KMT2A: variants seen among roughly 807,000 people sequenced by gnomAD.
KMT2A encodes lysine methyltransferase 2A.
In KMT2A, 16 loss-of-function variants were observed where a neutral mutation model predicts 345.3. The ratio of observed to expected loss-of-function variants is 0.05; its 90% CI spans 0.03 to 0.07. The LOEUF (loss-of-function observed/expected upper bound fraction) is 0.07. Among genes scored for constraint, KMT2A ranks in the 10% least tolerant of loss-of-function variants. The probability of loss-of-function intolerance (pLI) is 1.00; values close to 1 mark genes in which losing one functional copy is unlikely to be tolerated. For synonymous variants in KMT2A, 1,599 were observed against 1,778.6 expected (o/e 0.90, Z 2.54); for missense variants, 3,272 against 4,841.6 (o/e 0.68, Z 9.62).
Position 118,494,568 on chromosome 11 carries a change from G to A in KMT2A, c.5290-126G>A. 3 of 928,834 alleles carry A rather than the reference G, an allele frequency of 3.2e-6. No individual in the cohort carries two copies. The highest frequency in any genetic ancestry group is 2.4e-5 in the Admixed American group (1 of 42,408). The allele number at this position is 928,834 out of a possible 1,614,324, so 57.5% of individuals were successfully genotyped here. A position where few individuals can be genotyped will look rare whatever the true frequency, so the allele number is the denominator to read the frequency against. Reference sequence around the variant, plus strand: ...AGGAACTTGGTGAGGTTGCCAGAGTGGATGGATCTTTCTCTTGGTGGCCTG... The same window carrying A: ...AGGAACTTGGTGAGGTTGCCAGAGTAGATGGATCTTTCTCTTGGTGGCCTG... On this transcript the variant is annotated intron_variant, in intron 17 of 35. Coordinates refer to ENST00000534358, the MANE Select transcript of KMT2A (RefSeq NM_001197104.2). The surrounding 1 kb of genome is among the most constrained non-coding windows in gnomAD (Gnocchi z 5.8).
chr11:118,470,920 T>A (rs931146679), intron 2 of KMT2A, among the ~76,000 whole-genome samples: 1 of 152,196 alleles, frequency 6.6e-6, no homozygotes, highest in Non-Finnish European at 1.5e-5. Context: ...GAACTTTGAT[T>A]TAATAAGTTG....
At chr11:118,438,422 G>A (rs1949243898) in intron 1 of KMT2A, among the ~76,000 whole-genome samples, 3 of 148,014 alleles carry the variant, frequency 2.0e-5, no homozygotes, top group Admixed American at 2.0e-4. Flanking sequence ...TGCAGAAGGG[G>A]GGAGTTCGAA....
rs562573543 is a variant in KMT2A at position 118,520,713 on chromosome 11, T to G, written c.11430-89T>G. On this transcript the variant is annotated intron_variant, in intron 33 of 35. Transcript: ENST00000534358. This position sits in a 1 kb window ranked among gnomAD's most constrained non-coding sequence, Gnocchi z 4.3. ...GTTCAGTTTGGCATTAAACAAAGAG[T>G]GTACTAATTGTCTCTAGGAACCTTC... 55 of 905,020 alleles carry G rather than the reference T, an allele frequency of 6.1e-5. No homozygotes were observed. In the African/African-American group the frequency reaches 8.3e-4, roughly 14 times the overall value. The allele number at this position is 905,020 out of a possible 1,614,324, so 56.1% of individuals were successfully genotyped here. A position where few individuals can be genotyped will look rare whatever the true frequency, so the allele number is the denominator to read the frequency against.
chr11:118,475,490 G>A (rs1029757735), intron 3 of KMT2A, among the ~76,000 whole-genome samples: 12 of 152,296 alleles, frequency 7.9e-5, no homozygotes, highest in Non-Finnish European at 1.2e-4. Flanking sequence ...TTGGGAGGCC[G>A]AGGCAGGTGG....
At chr11:118,501,644 A>G in intron 25 of KMT2A, 28 bp from the exon 26 acceptor site, 1 of 1,579,920 alleles carries the variant, frequency 6.3e-7, no homozygotes, top group South Asian at 1.2e-5. Context: ...GGGCCTTTTT[A>G]GTTAAGAGTT....
Position 118,513,075 on chromosome 11 carries a change from CA to C in KMT2A, c.11146+1056del, listed in dbSNP as rs1555050568. On this transcript the variant is annotated intron_variant, in intron 31 of 35. Coordinates refer to ENST00000534358, the MANE Select transcript of KMT2A (RefSeq NM_001197104.2). Reference sequence around the variant, plus strand: ...GCTTCATACAGAGAATACATCTTTACAAAAAATAAAAATATATATTAGCCGG... The same window carrying C: ...GCTTCATACAGAGAATACATCTTTACAAAAATAAAAATATATATTAGCCGG... 2.0e-5 allele frequency among the ~76,000 whole-genome samples: 3 copies of C among 152,054 alleles called. No homozygotes were observed. In the East Asian group the frequency reaches 5.8e-4, roughly 29 times the overall value.
In KMT2A at chr11:118,473,685, C is replaced by T. The variant is rs782814987; in HGVS notation, c.2526C>T (p.Gly842=). The T allele has an allele frequency of 9.3e-6, 15 of 1,614,162 alleles. No individual in the cohort carries two copies. Among genetic ancestry groups the T allele is most frequent in the Non-Finnish European group, 1.3e-5 (15 of 1,180,034 alleles). Residue 842 remains glycine (G), a synonymous_variant, in exon 3 of 36, where the codon GGC becomes GGT. Coordinates refer to ENST00000534358, the MANE Select transcript of KMT2A (RefSeq NM_001197104.2). This position sits in a 1 kb window ranked among gnomAD's most constrained non-coding sequence, Gnocchi z 5.2. ...PTPLFPWFTP[G]SQTERGRNKD... Reference sequence around the variant, plus strand: ...CTCTCTTCCCTTGGTTTACCCCAGGCTCTCAGACTGAAAGAGGGAGAAATA... The same window carrying T: ...CTCTCTTCCCTTGGTTTACCCCAGGTTCTCAGACTGAAAGAGGGAGAAATA...
chr11:118,440,750 C>T (rs1337566627), intron 1 of KMT2A, among the ~76,000 whole-genome samples: 1 of 149,992 alleles, frequency 6.7e-6, no homozygotes, highest in Non-Finnish European at 1.5e-5. Flanking sequence ...AAAGATAGTA[C>T]TCCTGCAGCT....
Position 118,472,830 on chromosome 11 carries a change from C to G in KMT2A, c.1671C>G (p.Thr557=). ...TACAAAGTGCCCCCCAGCAGCAGAC[C>G]TCCTCGTCTCCACCTCCACCTCTGC... ...STLQSAPQQQ[T]SSSPPPPLLT... Residue 557 remains threonine (T), a synonymous_variant, in exon 3 of 36, where the codon ACC becomes ACG. Transcript: ENST00000534358. 1.2e-6 allele frequency: 2 copies of G among 1,613,792 alleles called. No individual in the cohort carries two copies. The highest frequency in any genetic ancestry group is 1.1e-5 in the South Asian group (1 of 91,048).
In KMT2A at chr11:118,493,141, C is replaced by A; in HGVS notation, c.5089C>A (p.Leu1697Ile). 3 of 1,614,088 alleles carry A rather than the reference C, an allele frequency of 1.9e-6. No individual in the cohort carries two copies. Among genetic ancestry groups the A allele is most frequent in the Non-Finnish European group, 1.7e-6 (2 of 1,179,970 alleles). ...SSPEGPDPPV[L>I]TEVSKQDDQQ... ...CCCCGAAGGACCTGATCCACCAGTTCTTACTGAGGTCAGCAAACAGGATGA... is the reference window on the plus strand; with the variant it reads ...CCCCGAAGGACCTGATCCACCAGTTATTACTGAGGTCAGCAAACAGGATGA... Residue 1697 changes from leucine (L) to isoleucine (I), a missense_variant, in exon 16 of 36, where the codon CTT becomes ATT. This residue lies in a region of KMT2A where 235 missense variants were observed against 503.4 expected (regional missense o/e 0.47). Coordinates refer to ENST00000534358, the MANE Select transcript of KMT2A (RefSeq NM_001197104.2). The surrounding 1 kb of genome is among the most constrained non-coding windows in gnomAD (Gnocchi z 5.8).
chr11:118,451,475 C>T (rs1302895216), intron 1 of KMT2A, among the ~76,000 whole-genome samples: 1 of 151,930 alleles, frequency 6.6e-6, no homozygotes, highest in African/African-American at 2.4e-5. Context: ...GCAACCTCCA[C>T]CTCCTGGGCT....
Position 118,484,867 on chromosome 11 carries a change from T to C in KMT2A, c.4224T>C (p.Asp1408=), listed in dbSNP as rs781903097. The C allele has an allele frequency of 1.9e-5, 30 of 1,610,118 alleles. No homozygotes were observed. In the South Asian group the frequency reaches 3.2e-4, roughly 17 times the overall value. ...VHRIRVDFKE[D]CEAENVWEMG... ...TGACCTTTCTCTCTCCACAGGAGGA[T>C]TGTGAAGCAGAAAATGTGTGGGAGA... Residue 1408 remains aspartate (D), a synonymous_variant, in exon 10 of 36, where the codon GAT becomes GAC. Coordinates refer to ENST00000534358, the MANE Select transcript of KMT2A (RefSeq NM_001197104.2). This position sits in a 1 kb window ranked among gnomAD's most constrained non-coding sequence, Gnocchi z 4.1.
chr11:118,489,772 G>T lies in KMT2A; in HGVS notation c.4480-20G>T. The T allele has an allele frequency of 6.2e-7, 1 of 1,605,258 alleles. No individual in the cohort carries two copies. Among genetic ancestry groups the T allele is most frequent in the African/African-American group, 1.3e-5 (1 of 74,800 alleles). On this transcript the variant is annotated intron_variant, in intron 11 of 35. Coordinates refer to ENST00000534358, the MANE Select transcript of KMT2A (RefSeq NM_001197104.2). ...AAGGTAATATGATGCTTATCTTTTT[G>T]CCATTATATTTTCTTACAGCAGCTG...
At chr11:118,480,138 T>G (rs1328361381) in intron 5 of KMT2A, 36 bp from the exon 6 acceptor site, 1 of 1,529,520 alleles carries the variant, frequency 6.5e-7, no homozygotes, top group East Asian at 2.3e-5. Context: ...TCTTCTAAAT[T>G]TAATTTGTTT....
At position 118,491,894 on chromosome 11, in the gene KMT2A, C is replaced by T; in HGVS notation, c.4970C>T (p.Ser1657Phe). 5 of 1,613,778 alleles carry T rather than the reference C, an allele frequency of 3.1e-6. No individual in the cohort carries two copies. Among genetic ancestry groups the T allele is most frequent in the Non-Finnish European group, 4.2e-6 (5 of 1,180,002 alleles). Residue 1657 changes from serine (S) to phenylalanine (F), a missense_variant, in exon 15 of 36, where the codon TCT (serine) becomes TTT (phenylalanine). Transcript: ENST00000534358. This position sits in a 1 kb window ranked among gnomAD's most constrained non-coding sequence, Gnocchi z 4.2. ...LKQVLTALLNSRTTSHLLRYR... is the reference protein window; with the variant it reads ...LKQVLTALLNFRTTSHLLRYR... ...CAAGTTCTGACAGCTTTGTTGAATTCTCGGACTACCAGCCATTTGCTACGC... is the reference window on the plus strand; with the variant it reads ...CAAGTTCTGACAGCTTTGTTGAATTTTCGGACTACCAGCCATTTGCTACGC...
At position 118,504,199 on chromosome 11, in the gene KMT2A, T is replaced by C. The variant is rs148437955; in HGVS notation, c.8307T>C (p.His2769=). 4.8e-5 allele frequency: 78 copies of C among 1,614,110 alleles called. No individual in the cohort carries two copies. The African/African-American group carries it at 8.1e-4, about 17-fold the overall frequency. ...DRPEDAGEKE[H]VTKSSVGHKN... ...CTGAAGATGCTGGGGAGAAAGAACATGTCACTAAGAGTTCTGTTGGCCACA... is the reference window on the plus strand; with the variant it reads ...CTGAAGATGCTGGGGAGAAAGAACACGTCACTAAGAGTTCTGTTGGCCACA... Residue 2769 remains histidine, a synonymous_variant, in exon 27 of 36, where the codon CAT becomes CAC. Coordinates refer to ENST00000534358, the MANE Select transcript of KMT2A (RefSeq NM_001197104.2). The surrounding 1 kb of genome is among the most constrained non-coding windows in gnomAD (Gnocchi z 6.4).
At position 118,472,672 on chromosome 11, in the gene KMT2A, G is replaced by A. The variant is rs782213033; in HGVS notation, c.1513G>A (p.Asp505Asn). The A allele has an allele frequency of 6.2e-7, 1 of 1,612,896 alleles. No individual in the cohort carries two copies. Among genetic ancestry groups the A allele is most frequent in the Non-Finnish European group, 8.5e-7 (1 of 1,179,796 alleles). Residue 505 changes from aspartate (D) to asparagine (N), a missense_variant, in exon 3 of 36, where the codon GAT becomes AAT. This residue lies in a region of KMT2A where 180 missense variants were observed against 190.7 expected (regional missense o/e 0.94). Coordinates refer to ENST00000534358, the MANE Select transcript of KMT2A (RefSeq NM_001197104.2). ...TCAGGTACTTCCTGAGGAGCGGAGC[G>A]ATACCCCTGAAGTTCATCCTCCACT... is the stretch of plus-strand genomic sequence containing the variant. The part of the protein sequence containing the change: ...EIQVLPEERS[D>N]TPEVHPPLPI...
intron 1 of KMT2A, among the ~76,000 whole-genome samples, chr11:118,441,396 C>T (rs1216706732): frequency 6.6e-6 from 1 of 152,026 alleles, no homozygotes; most frequent in Non-Finnish European, 1.5e-5. Context: ...GGGAAGTTGA[C>T]CAGTTTCATT....
Position 118,505,245 on chromosome 11 carries a change from T to C in KMT2A, c.9353T>C (p.Met3118Thr), listed in dbSNP as rs1396839628. The change falls in exon 27 of 36, where the codon ATG (methionine) becomes ACG (threonine). Residue 3118 changes from methionine to threonine, a missense_variant. Physicochemically the swap from Met to Thr is moderately conservative, Grantham distance 81. Transcript: ENST00000534358. The surrounding 1 kb of genome is among the most constrained non-coding windows in gnomAD (Gnocchi z 4.6). ...TCTGTTAGTTCTACACCCAGTGTGA[T>C]GGAGACAAATACTTCAGTATTGGGA... ...TSSVSSTPSV[M>T]ETNTSVLGPM... The C allele has an allele frequency of 1.9e-6, 3 of 1,614,076 alleles. No individual in the cohort carries two copies. Among genetic ancestry groups the C allele is most frequent in the Non-Finnish European group, 2.5e-6 (3 of 1,180,036 alleles).
Sources: allele counts gnomAD v4.1 joint callset (sites outside exome capture counted in the v4.1 genomes callset), GRCh38; gene constraint gnomAD v4.1.1; regional missense constraint gnomAD v4.1.1; non-coding constraint Gnocchi (gnomAD v3.1); transcripts MANE v1.5; gene names NCBI Gene and HGNC (gene_info 2026-07-23, HGNC 2026-07-21).